The following DCLRE1C variants were observed in gnomAD, a reference collection of about 807,000 sequenced individuals.
The protein encoded by DCLRE1C is DNA cross-link repair 1C.
DCLRE1C carries 47 observed loss-of-function variants against 61.4 expected under a neutral mutation model. The observed-to-expected ratio is 0.77, with a 90% CI of 0.61 to 0.98. The LOEUF is 0.98. Among genes scored for constraint, DCLRE1C ranks in the 50% least tolerant of loss-of-function variants. The pLI is 0.00. For missense variants in DCLRE1C, 858 were observed against 816.0 expected, an observed-to-expected ratio of 1.05 and a Z score of -0.63; for synonymous variants, 337 against 287.6, an observed-to-expected ratio of 1.17 and a Z score of -1.74.
At chr10:14,912,712 CAG>C (rs894892820) in intron 13 of DCLRE1C, among the ~76,000 whole-genome samples, 40 of 152,254 alleles carry the variant, frequency 2.6e-4, no homozygotes, top group African/African-American at 8.9e-4. Flanking sequence ...CTTTTTGAGA[CAG>C]AGTCTCGCTC....
intron 8 of DCLRE1C, among the ~76,000 whole-genome samples, chr10:14,934,044 C>T (rs113567975): frequency 2.6e-5 from 4 of 152,048 alleles, no homozygotes; most frequent in East Asian, 1.9e-4. Context: ...AAAGAATGAA[C>T]AGACTGGGAA....
At chr10:14,926,036 A>G (rs1257459462) in intron 11 of DCLRE1C, among the ~76,000 whole-genome samples, 1 of 152,176 alleles carries the variant, frequency 6.6e-6, no homozygotes, top group East Asian at 1.9e-4. Context: ...CGCCATGTGA[A>G]GAAGGATGTG....
At chr10:14,928,270 A>G (rs1247619638) in intron 9 of DCLRE1C, 118 bp from the exon 10 acceptor site, 3 of 882,526 alleles carry the variant, frequency 3.4e-6, no homozygotes, top group Non-Finnish European at 5.2e-6. Context: ...AAAAATAAAA[A>G]AAAAGCAGCA....
chr10:14,949,723 A>G (rs1564484111), intron 1 of DCLRE1C, among the ~76,000 whole-genome samples: 1 of 152,276 alleles, frequency 6.6e-6, no homozygotes, highest in Non-Finnish European at 1.5e-5. Flanking sequence ...AAAGGCCCAG[A>G]CAACAATGAT....
At chr10:14,936,278 T>A (rs1014752058) in intron 5 of DCLRE1C, among the ~76,000 whole-genome samples, 1 of 151,842 alleles carries the variant, frequency 6.6e-6, no homozygotes, top group African/African-American at 2.4e-5. Flanking sequence ...AAATGTGTTT[T>A]AAATGACTAG....
rs60272216 is a variant in DCLRE1C, at chr10:14,951,389, C to CAAA, written c.110-2305_110-2303dup. Among the ~76,000 whole-genome samples, 295 of 46,036 alleles carry CAAA rather than the reference C, an allele frequency of 6.4e-3. 10 individuals are homozygous for CAAA. The highest frequency in any genetic ancestry group is 9.3e-3 in the South Asian group (8 of 862). The allele number at this position is 46,036 out of a possible 152,430, so 30.2% of individuals were successfully genotyped here. ...TGGGTGACAGAGCAAAACCCTGTCTCAAAAAAAAAAAAAAAAAAAAAAAAA... is the reference window on the plus strand; with the variant it reads ...TGGGTGACAGAGCAAAACCCTGTCTCAAAAAAAAAAAAAAAAAAAAAAAAAAAA... On this transcript the variant is annotated intron_variant, in intron 1 of 13. Transcript: ENST00000378278.
chr10:14,934,238 G>T, intron 8 of DCLRE1C, 142 bp downstream of exon 8: 1 of 1,217,380 alleles, frequency 8.2e-7, no homozygotes, highest in Non-Finnish European at 1.1e-6. Flanking sequence ...TGAGCCAGGA[G>T]AATTGCTTGA....
intron 1 of DCLRE1C, among the ~76,000 whole-genome samples, chr10:14,950,661 C>T (rs1453886902): frequency 6.6e-6 from 1 of 152,182 alleles, no homozygotes; most frequent in Admixed American, 6.5e-5. Flanking sequence ...ATTGGAGTTT[C>T]CAAAGAGTTT....
Position 14,928,146 on chromosome 10 carries a change from C to A in DCLRE1C, c.787G>T (p.Glu263Ter). ...IHACRHPKAEEYFQWSKLPCG... is the reference protein window; with the variant it reads ...IHACRHPKAE Reference sequence around the variant, plus strand: ...GGTAATTTGCTCCACTGAAAATATTCCTCTGCCTAAAAAAGATAAAAAGCA... The same window carrying A: ...GGTAATTTGCTCCACTGAAAATATTACTCTGCCTAAAAAAGATAAAAAGCA... Residue 263 changes from glutamate (E) to a stop codon, truncating the protein, a stop_gained, in exon 10 of 14, where the codon GAA becomes TAA. Coordinates refer to ENST00000378278, the MANE Select transcript of DCLRE1C (RefSeq NM_001033855.3). LOFTEE classifies it high-confidence loss of function. The A allele has an allele frequency of 6.2e-7, 1 of 1,613,044 alleles. No individual in the cohort carries two copies. The highest frequency in any genetic ancestry group is 8.5e-7 in the Non-Finnish European group (1 of 1,179,462).
rs1834755037 is a variant in DCLRE1C, at chr10:14,908,793, C to A, written c.1694G>T (p.Arg565Ile). 6.2e-7 allele frequency: 1 copy of A among 1,614,090 alleles called. No homozygotes were observed. The highest frequency in any genetic ancestry group is 1.3e-5 in the African/African-American group (1 of 74,922). Residue 565 changes from arginine to isoleucine, a missense_variant, in exon 14 of 14, where the codon AGA becomes ATA. Physicochemically the swap from Arg to Ile is moderately conservative, Grantham distance 97. Coordinates refer to ENST00000378278, the MANE Select transcript of DCLRE1C (RefSeq NM_001033855.3). ...CAAGGAAGTAATATCCCCACTGTTTCTCTCTTGGGAAGATAACAAAACAGT... is the reference window on the plus strand; with the variant it reads ...CAAGGAAGTAATATCCCCACTGTTTATCTCTTGGGAAGATAACAAAACAGT... ...SDTVLLSSQE[R>I]NSGDITSLDK...
chr10:14,915,322 CAA>C (rs775901050), intron 13 of DCLRE1C, among the ~76,000 whole-genome samples: 73 of 151,112 alleles, frequency 4.8e-4, no homozygotes, highest in African/African-American at 7.8e-4. Context: ...GCCAAAAAAA[CAA>C]AAAAGAGAGA....
chr10:14,953,870 C>T, intron 1 of DCLRE1C, 32 bp downstream of exon 1: 1 of 1,612,924 alleles, frequency 6.2e-7, no homozygotes, highest in Admixed American at 1.7e-5. Context: ...CCCCAGCGCC[C>T]CGGGAGCGGG....
In DCLRE1C at chr10:14,936,438, G is replaced by A. The variant is rs916057216; in HGVS notation, c.362+100C>T. Reference sequence around the variant, plus strand: ...ACTGGGATTACAGACATGTGCCACTGCACCCAGCCCCCTATTAATTTTAGA... The same window carrying A: ...ACTGGGATTACAGACATGTGCCACTACACCCAGCCCCCTATTAATTTTAGA... On this transcript the variant is annotated intron_variant, in intron 5 of 13. Transcript: ENST00000378278. The A allele has an allele frequency of 4.8e-5, 44 of 913,422 alleles. No homozygotes were observed. The African/African-American group carries it at 7.2e-4, about 15-fold the overall frequency. The allele number at this position is 913,422 out of a possible 1,614,324, so 56.6% of individuals were successfully genotyped here. A position where few individuals can be genotyped will look rare whatever the true frequency, so the allele number is the denominator to read the frequency against.
intron 1 of DCLRE1C, among the ~76,000 whole-genome samples, chr10:14,953,079 C>A (rs1381545516): frequency 1.3e-5 from 2 of 152,250 alleles, no homozygotes; most frequent in Non-Finnish European, 2.9e-5. Flanking sequence ...CAGCAGGAGG[C>A]AGCAACTCCA....
At chr10:14,899,583 C>T (rs1256404564) in intron 13 of DCLRE1C, 1 of 1,614,104 alleles carries the variant, frequency 6.2e-7, no homozygotes, top group African/African-American at 1.3e-5. Flanking sequence ...AGTTCTATGA[C>T]AACAAGGGAA....
intron 13 of DCLRE1C, among the ~76,000 whole-genome samples, chr10:14,914,226 G>A (rs1331219975): frequency 1.3e-5 from 2 of 152,182 alleles, no homozygotes; most frequent in African/African-American, 2.4e-5. Context: ...ATATTAATGA[G>A]AAGAAATTCA....
exon 14 of DCLRE1C, chr10:14,897,565 A>C (rs754965122): frequency 3.5e-6 from 5 of 1,422,286 alleles, no homozygotes; most frequent in Non-Finnish European, 4.6e-6. Context: ...CAAGGTTTAT[A>C]CTTTTGGAAA....
At position 14,928,119 on chromosome 10, in the gene DCLRE1C, AG is replaced by A; in HGVS notation, c.813del (p.Cys272ValfsTer13). The A allele has an allele frequency of 6.2e-7, 1 of 1,613,640 alleles. No homozygotes were observed. The highest frequency in any genetic ancestry group is 1.1e-5 in the South Asian group (1 of 91,082). On this transcript the variant is annotated frameshift_variant, in exon 10 of 14. Transcript: ENST00000378278. LOFTEE classifies it high-confidence loss of function. ...ATTCTATTTCTGGAAGTAATTCCAC[AG>A]GGTAATTTGCTCCACTGAAAATATT... ...AEEYFQWSKL[P>X]CGITSRNRIP...
chr10:14,943,857 A>AT (rs1841262581), intron 3 of DCLRE1C, among the ~76,000 whole-genome samples: 1 of 152,094 alleles, frequency 6.6e-6, no homozygotes, highest in Non-Finnish European at 1.5e-5. Flanking sequence ...GATTTGTCTG[A>AT]TTTTTTTAAC....
Sources: allele counts gnomAD v4.1 joint callset (sites outside exome capture counted in the v4.1 genomes callset), GRCh38; gene constraint gnomAD v4.1.1; transcripts MANE v1.5; gene names NCBI Gene and HGNC (gene_info 2026-07-23, HGNC 2026-07-21).